The following PPP2CA variants were observed in gnomAD, a reference collection of about 807,000 sequenced individuals.
PPP2CA encodes protein phosphatase 2 catalytic subunit alpha.
In PPP2CA, 5 loss-of-function variants were observed where a neutral mutation model predicts 38.8. The ratio of observed to expected loss-of-function variants is 0.13; its 90% CI spans 0.07 to 0.27. The LOEUF (loss-of-function observed/expected upper bound fraction) is 0.27, where lower values mean the gene tolerates loss of function less well. Ranked by LOEUF, PPP2CA falls within the 10% of genes least tolerant of loss-of-function variation. The probability of loss-of-function intolerance (pLI) is 1.00; values close to 1 mark genes in which losing one functional copy is unlikely to be tolerated. For synonymous variants in PPP2CA, 152 were observed against 134.0 expected, an observed-to-expected ratio of 1.13 and a Z score of -0.93; for missense variants, 88 against 389.7, an observed-to-expected ratio of 0.23 and a Z score of 6.52.
intron 4 of PPP2CA, 138 bp from the exon 5 acceptor site, chr5:134,200,634 G>C: frequency 1.1e-6 from 1 of 937,562 alleles, no homozygotes; most frequent in Non-Finnish European, 1.6e-6. Flanking sequence ...CTGTGCAGTT[G>C]AAGTCAAACA....
chr5:134,225,621 C>A, intron 1 of PPP2CA, 139 bp downstream of exon 1: 1 of 663,896 alleles, frequency 1.5e-6, no homozygotes, highest in Non-Finnish European at 2.3e-6. Context: ...AAGCCGCCGC[C>A]GGCCAGGATG....
intron 1 of PPP2CA, among the ~76,000 whole-genome samples, chr5:134,211,146 T>C (rs953342025): frequency 6.6e-6 from 1 of 151,936 alleles, no homozygotes; most frequent in Admixed American, 6.6e-5. Context: ...CAGGCTGCAG[T>C]GCGGCACCAT....
At chr5:134,202,116 T>G in intron 2 of PPP2CA, 95 bp from the exon 3 acceptor site, 1 of 1,313,774 alleles carries the variant, frequency 7.6e-7, no homozygotes, top group South Asian at 1.6e-5. Context: ...CAGTTACAAT[T>G]TTGTTGAAAA....
At chr5:134,218,627 CT>C (rs1561742987) in intron 1 of PPP2CA, among the ~76,000 whole-genome samples, 2 of 151,898 alleles carry the variant, frequency 1.3e-5, no homozygotes, top group Non-Finnish European at 2.9e-5. Context: ...AGTTTCCTCC[CT>C]CATCTGTGTA....
chr5:134,221,903 G>A (rs539486539), intron 1 of PPP2CA, among the ~76,000 whole-genome samples: 8 of 151,512 alleles, frequency 5.3e-5, no homozygotes, highest in Non-Finnish European at 7.4e-5. Flanking sequence ...GGGAGGTGGA[G>A]GTTGCAGTGA....
intron 6 of PPP2CA, 21 bp downstream of exon 6, chr5:134,199,065 T>C (rs752206011): frequency 1.9e-6 from 3 of 1,553,002 alleles, no homozygotes; most frequent in African/African-American, 1.4e-5. Context: ...TGCAAGAAAA[T>C]GTTCAGGTAG....
At chr5:134,215,600 A>T (rs917631452) in intron 1 of PPP2CA, among the ~76,000 whole-genome samples, 1 of 125,106 alleles carries the variant, frequency 8.0e-6, no homozygotes, top group Non-Finnish European at 1.8e-5. Flanking sequence ...AAATAAAAAT[A>T]AAAAAGTAAA....
intron 1 of PPP2CA, among the ~76,000 whole-genome samples, chr5:134,208,721 G>A (rs556583673): frequency 4.6e-5 from 7 of 152,176 alleles, no homozygotes; most frequent in South Asian, 2.1e-4. Context: ...TCATTAAGTC[G>A]AAAAATTGGG....
chr5:134,208,191 A>C (rs1247426623), intron 1 of PPP2CA, among the ~76,000 whole-genome samples: 1 of 152,240 alleles, frequency 6.6e-6, no homozygotes, highest in Non-Finnish European at 1.5e-5. Context: ...TAAAGCTATC[A>C]GAAGTTAAAT....
At chr5:134,199,407 T>A (rs1761925062) in intron 5 of PPP2CA, 4 of 362,932 alleles carry the variant, frequency 1.1e-5, no homozygotes, top group Non-Finnish European at 1.5e-5. Flanking sequence ...ATTTTCCCCC[T>A]AATTACAAAA....
chr5:134,206,165 T>C lies in PPP2CA; in HGVS notation c.103-34A>G, dbSNP rs770560382. 7.1e-6 allele frequency: 11 copies of C among 1,550,042 alleles called. No homozygotes were observed. The East Asian group carries it at 2.5e-4, about 35-fold the overall frequency. ...GGGAGACAAAAATAAGGCAATACAT[T>C]TGGCATTAAACAATATTAACAAAGA... On this transcript the variant is annotated intron_variant, in intron 1 of 6. Coordinates refer to ENST00000481195, the MANE Select transcript of PPP2CA (RefSeq NM_002715.4).
intron 6 of PPP2CA, among the ~76,000 whole-genome samples, chr5:134,198,618 C>G (rs1324294073): frequency 1.3e-5 from 2 of 152,074 alleles, no homozygotes; most frequent in African/African-American, 2.4e-5. Flanking sequence ...CAGGCTGGAA[C>G]GCAGTGGCGC....
At chr5:134,224,275 G>A (rs775026953) in intron 1 of PPP2CA, 5 of 455,464 alleles carry the variant, frequency 1.1e-5, no homozygotes, top group South Asian at 3.1e-5. Flanking sequence ...ACGTGAGAGG[G>A]TAAAGAAACA....
intron 1 of PPP2CA, among the ~76,000 whole-genome samples, chr5:134,209,097 G>A (rs1330368067): frequency 1.3e-5 from 2 of 152,072 alleles, no homozygotes; most frequent in South Asian, 4.1e-4. Flanking sequence ...TTATCAAATT[G>A]TCCTTTAAAA....
intron 2 of PPP2CA, among the ~76,000 whole-genome samples, chr5:134,204,377 T>A (rs1762032749): frequency 6.6e-6 from 1 of 152,268 alleles, no homozygotes; most frequent in Non-Finnish European, 1.5e-5. Context: ...CAGATCATCA[T>A]CAGTACACTT....
Position 134,214,748 on chromosome 5 carries a change from A to C in PPP2CA, c.103-8617T>G, listed in dbSNP as rs552689449. On this transcript the variant is annotated intron_variant, in intron 1 of 6. Coordinates refer to ENST00000481195, the MANE Select transcript of PPP2CA (RefSeq NM_002715.4). ...ATAAACTATTTTAAACTGTTATTTT[A>C]AGTAACTTTTTGGCATTTTGTTTCT... is the stretch of plus-strand genomic sequence containing the variant. 2.4e-4 allele frequency among the ~76,000 whole-genome samples: 31 copies of C among 129,886 alleles called. No individual in the cohort carries two copies. In the South Asian group the frequency reaches 6.5e-3, roughly 27 times the overall value. 85.2% of individuals were successfully genotyped at this position (129,886 alleles called of 152,430 possible).
chr5:134,212,419 A>AC (rs1673938644), intron 1 of PPP2CA, among the ~76,000 whole-genome samples: 2 of 152,136 alleles, frequency 1.3e-5, no homozygotes, highest in South Asian at 4.1e-4. Flanking sequence ...GGCACTACCA[A>AC]CCGTGCCCAT....
chr5:134,225,335 C>G (rs1286107385), intron 1 of PPP2CA: 5 of 166,964 alleles, frequency 3.0e-5, no homozygotes, highest in African/African-American at 9.6e-5. Context: ...ATCCTCTGGG[C>G]AGCTCTGGAC....
At chr5:134,225,008 G>A (rs1308870305) in intron 1 of PPP2CA, among the ~76,000 whole-genome samples, 1 of 152,154 alleles carries the variant, frequency 6.6e-6, no homozygotes, top group African/African-American at 2.4e-5. Flanking sequence ...CTTAGAGAAG[G>A]CTTTGAGTCA....
Sources: gnomAD v4.1 joint callset for allele counts (sites outside exome capture counted in the v4.1 genomes callset) on GRCh38, gnomAD v4.1.1 for gene constraint, MANE v1.5 for transcripts, NCBI Gene and HGNC (gene_info 2026-07-23, HGNC 2026-07-21) for gene names.